CSMD3: variants seen among roughly 807,000 people sequenced by gnomAD.
CSMD3 encodes the protein CUB and sushi domain-containing protein 3.
A neutral mutation model predicts 435.2 loss-of-function variants in CSMD3; 177 were observed. The ratio of observed to expected loss-of-function variants is 0.41; its 90% CI spans 0.36 to 0.46. The LOEUF is 0.46. Ranked by LOEUF, CSMD3 falls within the 20% of genes least tolerant of loss-of-function variation. The pLI, the probability that CSMD3 is intolerant of heterozygous loss-of-function variation, is 0.34. For missense variants in CSMD3, 4,265 were observed against 4,504.6 expected (o/e 0.95, Z 1.52); for synonymous variants, 1,656 against 1,520.5 (o/e 1.09, Z -2.07).
intron 26 of CSMD3, 70 bp downstream of exon 26, chr8:112,552,524 T>C: frequency 7.0e-7 from 1 of 1,432,780 alleles, no homozygotes; most frequent in South Asian, 1.2e-5. Flanking sequence ...AAATGGATAT[T>C]AATTTTATAT....
At chr8:112,775,206 A>G (rs750795364) in intron 13 of CSMD3, among the ~76,000 whole-genome samples, 69 of 151,798 alleles carry the variant, frequency 4.5e-4, no homozygotes, top group Non-Finnish European at 4.6e-4. Context: ...ATCATAATAG[A>G]AACTTGTACT....
chr8:112,313,609 T>C (rs1380038732), intron 49 of CSMD3, among the ~76,000 whole-genome samples: 2 of 152,242 alleles, frequency 1.3e-5, no homozygotes, highest in African/African-American at 4.8e-5. Flanking sequence ...TTTTTTAGGA[T>C]TTTTTAGTCA....
At chr8:112,331,119 A>G (rs1824011282) in intron 45 of CSMD3, among the ~76,000 whole-genome samples, 1 of 152,084 alleles carries the variant, frequency 6.6e-6, no homozygotes, top group South Asian at 2.1e-4. Context: ...TAAATTTTCA[A>G]TAAATGGTTG....
intron 3 of CSMD3, among the ~76,000 whole-genome samples, chr8:113,185,314 A>AC (rs1264184836): frequency 5.3e-5 from 8 of 152,074 alleles, no homozygotes; most frequent in African/African-American, 1.7e-4. Context: ...AGGAGAAAAA[A>AC]AAGTTGAGGT....
At chr8:113,394,851 C>T (rs1020107404) in intron 1 of CSMD3, among the ~76,000 whole-genome samples, 7 of 151,986 alleles carry the variant, frequency 4.6e-5, no homozygotes, top group Non-Finnish European at 1.0e-4. Flanking sequence ...TAATAAGGTA[C>T]TAGGAAGGAT....
At chr8:112,852,937 A>C (rs1481497128) in intron 11 of CSMD3, among the ~76,000 whole-genome samples, 2 of 151,932 alleles carry the variant, frequency 1.3e-5, no homozygotes, top group Non-Finnish European at 2.9e-5. Flanking sequence ...TAAATAAATA[A>C]ATAAATAAAT....
intron 4 of CSMD3, among the ~76,000 whole-genome samples, chr8:113,099,239 A>G (rs1373641153): frequency 1.3e-5 from 2 of 152,102 alleles, no homozygotes; most frequent in Non-Finnish European, 2.9e-5. Context: ...ATTAGACATT[A>G]GGAAAATAGA....
intron 1 of CSMD3, among the ~76,000 whole-genome samples, chr8:113,434,623 AT>A (rs1484317566): frequency 6.6e-6 from 1 of 152,126 alleles, no homozygotes. Flanking sequence ...TTGAAAAAAA[AT>A]GTTTTTTACG....
chr8:112,267,249 C>T (rs4143626), intron 59 of CSMD3, among the ~76,000 whole-genome samples: 29,922 of 152,090 alleles, frequency 0.2, 3,608 homozygotes, highest in East Asian at 0.37. Context: ...TAAACAACAT[C>T]ATTCAGAGCA....
intron 32 of CSMD3, among the ~76,000 whole-genome samples, chr8:112,426,230 G>A (rs1187280409): frequency 6.6e-6 from 1 of 152,120 alleles, no homozygotes; most frequent in African/African-American, 2.4e-5. Context: ...GTGAATTTGA[G>A]TGTGTGTGCA....
chr8:113,003,947 A>T (rs1047222193), intron 6 of CSMD3, among the ~76,000 whole-genome samples: 1 of 152,090 alleles, frequency 6.6e-6, no homozygotes, highest in African/African-American at 2.4e-5. Context: ...TTTCTAACAT[A>T]TATTGAAACA....
rs1564370968 is a variant in CSMD3, at chr8:113,153,129, A to AGG, written c.709+20592_709+20593insCC. Among the ~76,000 whole-genome samples the AGG allele has an allele frequency of 1.2e-4, 12 of 103,602 alleles. No individual in the cohort carries two copies. The East Asian group carries it at 1.7e-3, about 15-fold the overall frequency. The allele number at this position is 103,602 out of a possible 152,430, so 68.0% of individuals were successfully genotyped here. A position where few individuals can be genotyped will look rare whatever the true frequency, so the allele number is the denominator to read the frequency against. On this transcript the variant is annotated intron_variant, in intron 4 of 70. Coordinates refer to ENST00000297405, the MANE Select transcript of CSMD3 (RefSeq NM_198123.2). ...AGAAAGAAAGAAAGAAAGAAAGAGAAAGAAGGAAGGAAGGAAGGAAGGAAG... is the reference window on the plus strand; with the variant it reads ...AGAAAGAAAGAAAGAAAGAAAGAGAAGGAGAAGGAAGGAAGGAAGGAAGGAAG...
intron 13 of CSMD3, among the ~76,000 whole-genome samples, chr8:112,783,329 CA>C (rs1437492357): frequency 7.2e-6 from 1 of 138,566 alleles, no homozygotes; most frequent in East Asian, 2.2e-4. Context: ...AACAGATACA[CA>C]AAAAAATAGA....
intron 3 of CSMD3, among the ~76,000 whole-genome samples, chr8:113,262,272 T>A (rs2132361287): frequency 6.6e-6 from 1 of 152,196 alleles, no homozygotes; most frequent in Non-Finnish European, 1.5e-5. Flanking sequence ...ATATGAAGAA[T>A]ACATTGACTA....
At chr8:113,031,063 C>A (rs1482218401) in intron 5 of CSMD3, among the ~76,000 whole-genome samples, 1 of 151,576 alleles carries the variant, frequency 6.6e-6, no homozygotes, top group Non-Finnish European at 1.5e-5. Context: ...AAATGGTATA[C>A]CAACACTGGA....
intron 3 of CSMD3, among the ~76,000 whole-genome samples, chr8:113,195,142 G>A (rs1185477904): frequency 6.7e-6 from 1 of 149,498 alleles, no homozygotes; most frequent in Non-Finnish European, 1.5e-5. Context: ...AAGTGATTGA[G>A]CTATTTTTTT....
At chr8:112,795,455 C>A (rs2078805316) in intron 13 of CSMD3, among the ~76,000 whole-genome samples, 1 of 152,066 alleles carries the variant, frequency 6.6e-6, no homozygotes. Context: ...GATTCTTTTC[C>A]ACATACCCTT....
chr8:112,433,401 A>T (rs1407706927), intron 32 of CSMD3, among the ~76,000 whole-genome samples: 2 of 151,740 alleles, frequency 1.3e-5, no homozygotes, highest in African/African-American at 4.8e-5. Flanking sequence ...CATGCCTGTA[A>T]TCCCAGTACT....
intron 3 of CSMD3, among the ~76,000 whole-genome samples, chr8:113,222,866 T>C (rs575818216): frequency 6.0e-5 from 9 of 151,198 alleles, no homozygotes; most frequent in Non-Finnish European, 1.0e-4. Flanking sequence ...TTAATTCCTT[T>C]TGCATTTCTG....
Sources: gnomAD v4.1 joint callset for allele counts (sites outside exome capture counted in the v4.1 genomes callset) on GRCh38, gnomAD v4.1.1 for gene constraint, MANE v1.5 for transcripts, NCBI Gene and HGNC (gene_info 2026-07-23, HGNC 2026-07-21) for gene names.